Variants in MCU observed in about 807,000 individuals in gnomAD.
MCU encodes mitochondrial calcium uniporter, also known as calcium uniporter protein, mitochondrial.
A neutral mutation model predicts 45.2 loss-of-function variants in MCU; 12 were observed. That is an observed-to-expected ratio of 0.27 (90% CI 0.17 to 0.43). The LOEUF is 0.43. MCU is among the 20% of genes least tolerant of loss of function. The pLI is 1.00. For missense variants in MCU, 324 were observed against 436.7 expected (o/e 0.74, Z 2.30); for synonymous variants, 160 against 165.1 (o/e 0.97, Z 0.24).
At chr10:72,786,791 C>G (rs562276559) in intron 1 of MCU, among the ~76,000 whole-genome samples, 3 of 152,148 alleles carry the variant, frequency 2.0e-5, no homozygotes, top group Non-Finnish European at 4.4e-5. Context: ...TATTTTGAAG[C>G]ACAAAAGCAC....
At chr10:72,787,391 C>T (rs577894847) in intron 1 of MCU, among the ~76,000 whole-genome samples, 5 of 152,214 alleles carry the variant, frequency 3.3e-5, no homozygotes, top group Admixed American at 6.5e-5. Flanking sequence ...GCCTCAGCCT[C>T]GAGAGTAGCT....
intron 6 of MCU, among the ~76,000 whole-genome samples, chr10:72,882,070 A>G (rs1192428301): frequency 6.6e-6 from 1 of 152,198 alleles, no homozygotes; most frequent in Non-Finnish European, 1.5e-5. Flanking sequence ...ATAATTTCTT[A>G]CGCCTGTCTT....
At chr10:72,879,451 T>C (rs1370216516) in intron 6 of MCU, among the ~76,000 whole-genome samples, 1 of 152,180 alleles carries the variant, frequency 6.6e-6, no homozygotes, top group Non-Finnish European at 1.5e-5. Context: ...AATGGAATAG[T>C]ATCTTCAATT....
intron 1 of MCU, chr10:72,756,462 C>T (rs1843578299): frequency 6.6e-6 from 1 of 152,100 alleles, no homozygotes; most frequent in Non-Finnish European, 1.5e-5. Context: ...TAAAAATTTT[C>T]TTTTGAGTCA....
intron 1 of MCU, among the ~76,000 whole-genome samples, chr10:72,799,935 T>A (rs1844313898): frequency 6.6e-6 from 1 of 152,214 alleles, no homozygotes; most frequent in South Asian, 2.1e-4. Context: ...TATTATTTCA[T>A]TTATTAATAA....
rs141544890 is a variant in MCU at position 72,773,665 on chromosome 10, C to G, written c.151-60694C>G. Among the ~76,000 whole-genome samples, 905 of 152,190 alleles carry G rather than the reference C, an allele frequency of 5.9e-3. 12 individuals carry two copies. Among genetic ancestry groups the G allele is most frequent in the African/African-American group, 0.021 (853 of 41,518 alleles). On this transcript the variant is annotated intron_variant, in intron 1 of 7. Coordinates refer to ENST00000373053, the MANE Select transcript of MCU (RefSeq NM_138357.3). ...CCAAACAGATTAAACCCAGATGAAA[C>G]TACCTCAAGGCATATAATAAACTCT...
chr10:72,721,127 A>G (rs903562909), intron 1 of MCU: 1 of 154,258 alleles, frequency 6.5e-6, no homozygotes, highest in African/African-American at 2.4e-5. Context: ...CACCTAGATT[A>G]TATTAACAGC....
chr10:72,855,960 A>C (rs1845284059), intron 2 of MCU, among the ~76,000 whole-genome samples: 1 of 152,246 alleles, frequency 6.6e-6, no homozygotes, highest in Admixed American at 6.5e-5. Context: ...TAAAAGCTTT[A>C]TTCATAGTAG....
chr10:72,880,958 T>G (rs1416323968), intron 6 of MCU, among the ~76,000 whole-genome samples: 1 of 152,028 alleles, frequency 6.6e-6, no homozygotes, highest in African/African-American at 2.4e-5. Flanking sequence ...TGAGACCCAA[T>G]AGCTAAAAAA....
intron 1 of MCU, among the ~76,000 whole-genome samples, chr10:72,727,725 G>A (rs1040906946): frequency 1.3e-5 from 2 of 152,020 alleles, no homozygotes; most frequent in Non-Finnish European, 2.9e-5. Context: ...GGGTTTATAG[G>A]AATGAACATG....
chr10:72,759,905 C>A (rs532577435), intron 1 of MCU, among the ~76,000 whole-genome samples: 1 of 152,240 alleles, frequency 6.6e-6, no homozygotes, highest in South Asian at 2.1e-4. Context: ...GAAACCAATC[C>A]TTGATTTGGA....
chr10:72,722,111 A>G (rs1160504893), intron 1 of MCU, among the ~76,000 whole-genome samples: 1 of 152,156 alleles, frequency 6.6e-6, no homozygotes, highest in Non-Finnish European at 1.5e-5. Context: ...AATTGGGTTT[A>G]TAGGGAATTC....
chr10:72,876,130 G>A (rs1015812457), intron 6 of MCU, among the ~76,000 whole-genome samples: 6 of 152,104 alleles, frequency 3.9e-5, no homozygotes, highest in African/African-American at 1.2e-4. Context: ...TCCAATAACC[G>A]TCATTTATAT....
At chr10:72,860,378 G>C (rs1845357551) in intron 3 of MCU, 45 bp from the exon 4 acceptor site, 1 of 1,480,538 alleles carries the variant, frequency 6.8e-7, no homozygotes, top group Non-Finnish European at 9.4e-7. Flanking sequence ...GACCATTCTT[G>C]AATAATTATG....
At chr10:72,852,935 G>A (rs1195652643) in intron 2 of MCU, among the ~76,000 whole-genome samples, 4 of 152,176 alleles carry the variant, frequency 2.6e-5, no homozygotes, top group Non-Finnish European at 5.9e-5. Flanking sequence ...TGAACATTTG[G>A]TAGACATTCT....
intron 1 of MCU, among the ~76,000 whole-genome samples, chr10:72,733,411 C>T (rs1004328896): frequency 2.0e-5 from 3 of 152,066 alleles, no homozygotes; most frequent in East Asian, 3.9e-4. Context: ...GAGCTGAGAT[C>T]GCGCCATTGC....
At chr10:72,772,130 A>C (rs1843819008) in intron 1 of MCU, among the ~76,000 whole-genome samples, 1 of 152,162 alleles carries the variant, frequency 6.6e-6, no homozygotes, top group South Asian at 2.1e-4. Context: ...CAAAGTGGGG[A>C]GGTGGGACTA....
chr10:72,780,594 C>T (rs1843977683), intron 1 of MCU, among the ~76,000 whole-genome samples: 1 of 131,706 alleles, frequency 7.6e-6, no homozygotes. Context: ...CTGTTGTCAT[C>T]ATTTGTTAAA....
chr10:72,797,155 T>C (rs1844260937), intron 1 of MCU, among the ~76,000 whole-genome samples: 1 of 152,136 alleles, frequency 6.6e-6, no homozygotes, highest in Non-Finnish European at 1.5e-5. Flanking sequence ...AGTCTCCTGT[T>C]ACTAGTATAT....
Sources: gnomAD v4.1 joint callset for allele counts (sites outside exome capture counted in the v4.1 genomes callset) on GRCh38, gnomAD v4.1.1 for gene constraint, MANE v1.5 for transcripts, NCBI Gene and HGNC (gene_info 2026-07-23, HGNC 2026-07-21) for gene names.